The following TAF2 variants were observed in gnomAD, a reference collection of about 807,000 sequenced individuals.
The protein encoded by TAF2 is TATA-box binding protein associated factor 2.
Under a neutral mutation model 138.5 loss-of-function variants are expected in TAF2, and 61 were observed. The observed-to-expected ratio is 0.44, with a 90% CI of 0.36 to 0.54. The LOEUF is 0.54. Ranked by LOEUF, TAF2 falls within the 20% of genes least tolerant of loss-of-function variation. The pLI, the probability that TAF2 is intolerant of heterozygous loss-of-function variation, is 0.00. For missense variants in TAF2, 1,090 were observed against 1,427.9 expected (o/e 0.76, Z 3.81); for synonymous variants, 475 against 469.9 (o/e 1.01, Z -0.14).
intron 14 of TAF2, 44 bp from the exon 15 acceptor site, chr8:119,785,310 A>T (rs1267258473): frequency 1.5e-6 from 2 of 1,358,356 alleles, no homozygotes; most frequent in Non-Finnish European, 2.1e-6. Flanking sequence ...GAGATTTCTA[A>T]TTCTGAATGG....
intron 8 of TAF2, among the ~76,000 whole-genome samples, chr8:119,795,867 A>C (rs1823788056): frequency 6.6e-6 from 1 of 152,084 alleles, no homozygotes. Flanking sequence ...GTCTTGCTTC[A>C]GGTATAAATT....
chr8:119,771,046 G>A (rs1821796291), intron 18 of TAF2, among the ~76,000 whole-genome samples: 1 of 152,064 alleles, frequency 6.6e-6, no homozygotes, highest in African/African-American at 2.4e-5. Context: ...ACTCCAGCCT[G>A]GGCGACAGAG....
intron 24 of TAF2, 101 bp from the exon 25 acceptor site, chr8:119,742,757 A>G: frequency 6.8e-7 from 1 of 1,471,492 alleles, no homozygotes; most frequent in Admixed American, 2.0e-5. Flanking sequence ...TAAAGACAGA[A>G]GCAATTCATC....
intron 25 of TAF2, among the ~76,000 whole-genome samples, chr8:119,732,897 GA>G: frequency 6.6e-6 from 1 of 152,228 alleles, no homozygotes; most frequent in South Asian, 2.1e-4. Flanking sequence ...AGGTATGGGG[GA>G]GGGGAAGATG....
chr8:119,806,302 C>T lies in TAF2; in HGVS notation c.399G>A (p.Glu133=), dbSNP rs1322600233. ...CTTTACCATCAACGTGTTTCCATAG[C>T]TCTGATGGAACCTTAATGCAAAGTT... ...NGELCIKVPS[E]LWKHVDELKV... The change falls in exon 4 of 26, where the codon GAG becomes GAA. Residue 133 remains glutamate, a synonymous_variant. Coordinates refer to ENST00000378164, the MANE Select transcript of TAF2 (RefSeq NM_003184.4). 2 of 1,613,880 alleles carry T rather than the reference C, an allele frequency of 1.2e-6. No homozygotes were observed. The highest frequency in any genetic ancestry group is 1.7e-5 in the Admixed American group (1 of 60,008).
At chr8:119,735,802 G>C (rs909361570) in intron 25 of TAF2, among the ~76,000 whole-genome samples, 3 of 152,164 alleles carry the variant, frequency 2.0e-5, no homozygotes, top group Admixed American at 6.5e-5. Flanking sequence ...TAAATTGCTT[G>C]AATATGTTCC....
At chr8:119,746,231 G>A (rs1217699961) in intron 23 of TAF2, among the ~76,000 whole-genome samples, 4 of 151,888 alleles carry the variant, frequency 2.6e-5, no homozygotes, top group African/African-American at 4.8e-5. Flanking sequence ...AAATTAGCCA[G>A]GCATGGTGGC....
intron 4 of TAF2, among the ~76,000 whole-genome samples, chr8:119,804,991 C>T (rs1563905722): frequency 6.6e-6 from 1 of 152,200 alleles, no homozygotes; most frequent in Admixed American, 6.5e-5. Flanking sequence ...ACGACTTCCA[C>T]GTCTGTCCCC....
chr8:119,755,270 G>T (rs1449161426), intron 22 of TAF2, among the ~76,000 whole-genome samples: 1 of 152,198 alleles, frequency 6.6e-6, no homozygotes, highest in African/African-American at 2.4e-5. Flanking sequence ...ACTTTGGAAG[G>T]CCAAGGCGGG....
intron 9 of TAF2, 122 bp from the exon 10 acceptor site, chr8:119,793,573 A>G: frequency 1.4e-6 from 1 of 739,146 alleles, no homozygotes; most frequent in Non-Finnish European, 2.3e-6. Flanking sequence ...ATTTCTTAAA[A>G]TAAGTGAAAT....
At chr8:119,797,594 C>T in intron 7 of TAF2, 68 bp downstream of exon 7, 2 of 1,498,454 alleles carry the variant, frequency 1.3e-6, no homozygotes, top group East Asian at 2.3e-5. Flanking sequence ...AAATTGACCG[C>T]AAAATCAGTA....
chr8:119,798,668 T>C (rs576026150), intron 6 of TAF2, among the ~76,000 whole-genome samples: 28 of 152,278 alleles, frequency 1.8e-4, no homozygotes, highest in African/African-American at 6.5e-4. Context: ...GAATATAACA[T>C]CTATTACGGT....
chr8:119,802,438 T>G (rs1311318049), intron 5 of TAF2, among the ~76,000 whole-genome samples: 1 of 152,240 alleles, frequency 6.6e-6, no homozygotes, highest in Non-Finnish European at 1.5e-5. Context: ...ATTATAAAAC[T>G]GCTTTTTTGG....
intron 3 of TAF2, among the ~76,000 whole-genome samples, chr8:119,815,805 A>AAT (rs1323282376): frequency 6.6e-6 from 1 of 152,214 alleles, no homozygotes; most frequent in Non-Finnish European, 1.5e-5. Flanking sequence ...TCACACACAA[A>AAT]ATATATGTCG....
intron 25 of TAF2, among the ~76,000 whole-genome samples, chr8:119,735,701 C>G (rs2048239): frequency 2.0e-5 from 3 of 151,936 alleles, no homozygotes; most frequent in African/African-American, 7.3e-5. Context: ...AACTGGTACC[C>G]AGATATTCTT....
chr8:119,812,824 C>CACA lies in TAF2; in HGVS notation c.300-6424_300-6423insTGT, dbSNP rs142880682. Among the ~76,000 whole-genome samples the CACA allele has an allele frequency of 7.3e-4, 111 of 152,154 alleles. 1 individual carries two copies. Among genetic ancestry groups the CACA allele is most frequent in the African/African-American group, 2.3e-3 (94 of 41,530 alleles). On this transcript the variant is annotated intron_variant, in intron 3 of 25. Transcript: ENST00000378164. ...TGTATACATACACCACACATACACA[C>CACA]CATTTCCTTTATCCACTCATCAGTT...
intron 9 of TAF2, among the ~76,000 whole-genome samples, chr8:119,794,891 T>C (rs957811970): frequency 5.3e-5 from 8 of 152,112 alleles, no homozygotes; most frequent in African/African-American, 1.4e-4. Flanking sequence ...GATGATAAGG[T>C]TTGTTTAATG....
chr8:119,759,640 G>A (rs1820927002), intron 20 of TAF2, among the ~76,000 whole-genome samples: 1 of 152,028 alleles, frequency 6.6e-6, no homozygotes, highest in Non-Finnish European at 1.5e-5. Flanking sequence ...GTATTTGACA[G>A]GCATAATTAT....
intron 2 of TAF2, 110 bp from the exon 3 acceptor site, chr8:119,819,616 T>A (rs7003687): frequency 0.25 from 213,874 of 846,098 alleles, 31,186 homozygotes; most frequent in African/African-American, 0.5. Context: ...ACAAAATCCC[T>A]AATAGCTACA....
Sources: gnomAD v4.1 joint callset for allele counts (sites outside exome capture counted in the v4.1 genomes callset) on GRCh38, gnomAD v4.1.1 for gene constraint, MANE v1.5 for transcripts, NCBI Gene and HGNC (gene_info 2026-07-23, HGNC 2026-07-21) for gene names.